The following FUT8 variants were observed in gnomAD, a reference collection of about 807,000 sequenced individuals.
FUT8 encodes fucosyltransferase 8, also known as alpha-(1,6)-fucosyltransferase.
FUT8 carries 29 observed loss-of-function variants against 71.3 expected under a neutral mutation model. The ratio of observed to expected loss-of-function variants is 0.41; its 90% CI spans 0.30 to 0.55. The LOEUF (loss-of-function observed/expected upper bound fraction) is 0.55. FUT8 is among the 20% of genes least tolerant of loss of function. FUT8 has a pLI of 0.34. For missense variants in FUT8, 544 were observed against 702.1 expected (o/e 0.77, Z 2.55); for synonymous variants, 254 against 239.3 (o/e 1.06, Z -0.57).
chr14:65,419,606 T>G (rs1196268876), intron 1 of FUT8, among the ~76,000 whole-genome samples: 1 of 152,224 alleles, frequency 6.6e-6, no homozygotes, highest in Non-Finnish European at 1.5e-5. Flanking sequence ...AACTACTTGA[T>G]TCATTCAGTT....
chr14:65,710,686 AT>A (rs1894771193), intron 7 of FUT8, among the ~76,000 whole-genome samples: 1 of 152,170 alleles, frequency 6.6e-6, no homozygotes, highest in African/African-American at 2.4e-5. Flanking sequence ...GAGGTGAAGA[AT>A]CATGTCATCA....
chr14:65,684,714 A>T (rs1432618452), intron 7 of FUT8, among the ~76,000 whole-genome samples: 1 of 152,122 alleles, frequency 6.6e-6, no homozygotes. Context: ...GTTCTCACAC[A>T]CTTCGTAAGC....
At chr14:65,740,921 G>A (rs531312681) in intron 10 of FUT8, among the ~76,000 whole-genome samples, 12 of 151,942 alleles carry the variant, frequency 7.9e-5, no homozygotes, top group Non-Finnish European at 1.5e-4. Flanking sequence ...AAAGACTGCC[G>A]GGTAGTCCTA....
chr14:65,397,179 C>A, the FUT8 span, among the ~76,000 whole-genome samples: 1 of 152,178 alleles, frequency 6.6e-6, no homozygotes, highest in African/African-American at 2.4e-5. The surrounding 1 kb of genome is among the most constrained non-coding windows in gnomAD (Gnocchi z 4.2). Flanking sequence ...CTTGAAGGGG[C>A]ACTTAAGACC....
rs1891619738 is a variant in FUT8 at position 65,655,334 on chromosome 14, G to A, written c.598-13909G>A. ...TAAAAATACAAAAACAAAATTAGCT[G>A]GCATGGTGGTGGGCACCTGTAGTCC... On this transcript the variant is annotated intron_variant, in intron 6 of 10. Coordinates refer to ENST00000673929, the MANE Select transcript of FUT8 (RefSeq NM_001371533.1). Among the ~76,000 whole-genome samples the A allele has an allele frequency of 5.3e-5, 8 of 151,852 alleles. No individual in the cohort carries two copies. The South Asian group carries it at 1.7e-3, about 32-fold the overall frequency.
At chr14:65,586,898 A>G (rs1302507302) in intron 3 of FUT8, among the ~76,000 whole-genome samples, 1 of 152,106 alleles carries the variant, frequency 6.6e-6, no homozygotes, top group Non-Finnish European at 1.5e-5. Context: ...AATTCTTTTA[A>G]AGAGTATGTG....
chr14:65,678,899 A>G lies in FUT8; in HGVS notation c.835+9419A>G, dbSNP rs147694964. On this transcript the variant is annotated intron_variant, in intron 7 of 10. Transcript: ENST00000673929. ...TCTATTGACTGGAAGGAGCTACATA[A>G]TGCCAGACCAGCAGAGATTATGTAA... Among the ~76,000 whole-genome samples the G allele has an allele frequency of 4.9e-4, 75 of 152,326 alleles. 1 individual carries two copies. Among genetic ancestry groups the G allele is most frequent in the Middle Eastern group, 3.4e-3 (1 of 294 alleles).
At chr14:65,537,396 C>T (rs916209567) in intron 2 of FUT8, among the ~76,000 whole-genome samples, 1 of 151,008 alleles carries the variant, frequency 6.6e-6, no homozygotes, top group East Asian at 1.9e-4. Context: ...TTATTACTTA[C>T]ATATTTTTTT....
intron 2 of FUT8, among the ~76,000 whole-genome samples, chr14:65,498,839 G>C (rs2066600673): frequency 6.6e-6 from 1 of 152,074 alleles, no homozygotes; most frequent in African/African-American, 2.4e-5. Flanking sequence ...CTTTTTTAGA[G>C]GTTGGAAGCA....
At chr14:65,532,885 A>G (rs948988029) in intron 2 of FUT8, among the ~76,000 whole-genome samples, 12 of 152,210 alleles carry the variant, frequency 7.9e-5, no homozygotes, top group South Asian at 6.2e-4. Flanking sequence ...ATTTTATTGA[A>G]TAGGAAATCC....
At chr14:65,620,561 G>C (rs1371387992) in intron 5 of FUT8, among the ~76,000 whole-genome samples, 5 of 152,122 alleles carry the variant, frequency 3.3e-5, no homozygotes, top group Admixed American at 2.6e-4. Flanking sequence ...CCAATAGCTT[G>C]TATTTTCATT....
rs60092488 is a variant in FUT8 at position 65,699,145 on chromosome 14, TACACACACACACACACACACACAC to T, written c.836-22599_836-22576del. On this transcript the variant is annotated intron_variant, in intron 7 of 10. Coordinates refer to ENST00000673929, the MANE Select transcript of FUT8 (RefSeq NM_001371533.1). ...TGTCATGTAAACACTCCCTCCCTTC[TACACACACACACACACACACACAC>T]ACACACACACACACACACACACACA... Among the ~76,000 whole-genome samples, 1,271 of 132,128 alleles carry T rather than the reference TACACACACACACACACACACACAC, an allele frequency of 9.6e-3. 17 individuals are homozygous for T. The highest frequency in any genetic ancestry group is 0.026 in the African/African-American group (880 of 33,866). 86.7% of individuals were successfully genotyped at this position (132,128 alleles called of 152,430 possible).
intron 2 of FUT8, among the ~76,000 whole-genome samples, chr14:65,465,155 C>G (rs1349514486): frequency 6.6e-6 from 1 of 152,082 alleles, no homozygotes; most frequent in Non-Finnish European, 1.5e-5. Flanking sequence ...TTCCTGTTTT[C>G]AATTTTGCTC....
At chr14:65,729,034 GTTTTTT>G (rs557668131) in intron 9 of FUT8, among the ~76,000 whole-genome samples, 6 of 103,664 alleles carry the variant, frequency 5.8e-5, no homozygotes, top group East Asian at 2.9e-4. Context: ...TTGTAAACAT[GTTTTTT>G]TTTTTTTTTT....
chr14:65,606,817 T>C (rs1005497714), intron 3 of FUT8, among the ~76,000 whole-genome samples: 2 of 151,920 alleles, frequency 1.3e-5, no homozygotes, highest in Admixed American at 6.6e-5. Flanking sequence ...CTTTGCTAAA[T>C]TTAATTAAAA....
At chr14:65,720,673 G>A (rs1379950778) in intron 7 of FUT8, among the ~76,000 whole-genome samples, 1 of 152,148 alleles carries the variant, frequency 6.6e-6, no homozygotes, top group Non-Finnish European at 1.5e-5. Context: ...ACCCAGCACA[G>A]CACTAAAACT....
At chr14:65,730,982 G>T (rs1029343463) in intron 9 of FUT8, among the ~76,000 whole-genome samples, 3 of 152,154 alleles carry the variant, frequency 2.0e-5, no homozygotes, top group Admixed American at 2.0e-4. Context: ...CTAAAAGTAG[G>T]TACATTGAAA....
Position 65,660,262 on chromosome 14 carries a change from C to T in FUT8, c.598-8981C>T, listed in dbSNP as rs1891894987. On this transcript the variant is annotated intron_variant, in intron 6 of 10. Coordinates refer to ENST00000673929, the MANE Select transcript of FUT8 (RefSeq NM_001371533.1). The surrounding 1 kb of genome is among the most constrained non-coding windows in gnomAD (Gnocchi z 4.1). ...GGTAACAGAATACTGTCTTGAAAGC[C>T]TCAGTGGAAGAAATGCCCCACATTT... Among the ~76,000 whole-genome samples the T allele has an allele frequency of 1.3e-5, 2 of 152,082 alleles. No homozygotes were observed. The highest frequency in any genetic ancestry group is 6.6e-5 in the Admixed American group (1 of 15,256).
intron 3 of FUT8, among the ~76,000 whole-genome samples, chr14:65,573,804 A>G (rs1566829479): frequency 6.6e-6 from 1 of 151,206 alleles, no homozygotes; most frequent in East Asian, 1.9e-4. Flanking sequence ...TATTTATTTT[A>G]GGTTCATTAG....
Sources: allele counts gnomAD v4.1 joint callset (sites outside exome capture counted in the v4.1 genomes callset), GRCh38; gene constraint gnomAD v4.1.1; non-coding constraint Gnocchi (gnomAD v3.1); transcripts MANE v1.5; gene names NCBI Gene and HGNC (gene_info 2026-07-23, HGNC 2026-07-21).